Variants in DACH1 observed in about 807,000 individuals in gnomAD.
DACH1 encodes the protein dachshund family transcription factor 1.
DACH1 carries 12 observed loss-of-function variants against 54.2 expected under a neutral mutation model. The ratio of observed to expected loss-of-function variants is 0.22; its 90% CI spans 0.14 to 0.36. The LOEUF is 0.36. DACH1 is among the 10% of genes least tolerant of loss of function. The probability of loss-of-function intolerance (pLI) is 1.00; values close to 1 mark genes in which losing one functional copy is unlikely to be tolerated. For missense variants in DACH1, 805 were observed against 929.8 expected (o/e 0.87, Z 1.75); for synonymous variants, 386 against 366.2 (o/e 1.05, Z -0.62).
At chr13:71,714,175 G>T (rs1234807495) in intron 1 of DACH1, among the ~76,000 whole-genome samples, 2 of 152,008 alleles carry the variant, frequency 1.3e-5, no homozygotes, top group East Asian at 3.9e-4. Flanking sequence ...CATAGAAACA[G>T]TTTCAGTGGT....
rs1237655754 is a variant in DACH1, at chr13:71,653,052, A to T, written c.965-22335T>A. Reference sequence around the variant, plus strand: ...AGTCCAGATTCGGAAGCTTAAACTAAAACACACATTTGGTTAAACTGTATG... The same window carrying T: ...AGTCCAGATTCGGAAGCTTAAACTATAACACACATTTGGTTAAACTGTATG... On this transcript the variant is annotated intron_variant, in intron 2 of 10. Coordinates refer to ENST00000613252, the MANE Select transcript of DACH1 (RefSeq NM_080759.6). 2.0e-5 allele frequency among the ~76,000 whole-genome samples: 3 copies of T among 152,190 alleles called. 1 individual carries two copies.
chr13:71,595,279 C>T (rs1874013086), intron 3 of DACH1, among the ~76,000 whole-genome samples: 2 of 151,956 alleles, frequency 1.3e-5, no homozygotes, highest in Non-Finnish European at 2.9e-5. Context: ...AGAGAAGAAT[C>T]CAGGAGCCCA....
At chr13:71,743,187 A>G (rs1025474097) in intron 1 of DACH1, among the ~76,000 whole-genome samples, 1 of 152,202 alleles carries the variant, frequency 6.6e-6, no homozygotes, top group Non-Finnish European at 1.5e-5. Context: ...TGTCATGTGA[A>G]TGCCAAAAGA....
intron 2 of DACH1, among the ~76,000 whole-genome samples, chr13:71,654,328 T>G (rs1177766083): frequency 1.3e-5 from 2 of 149,910 alleles, no homozygotes; most frequent in Non-Finnish European, 2.9e-5. Flanking sequence ...AGATGGAGGT[T>G]GCAGTGAGCC....
At chr13:71,655,017 A>G (rs1878996414) in intron 2 of DACH1, among the ~76,000 whole-genome samples, 1 of 152,212 alleles carries the variant, frequency 6.6e-6, no homozygotes, top group Admixed American at 6.5e-5. Flanking sequence ...AACCTCTAAC[A>G]TAGTTTAGTC....
At chr13:71,848,511 T>G (rs144113425) in intron 1 of DACH1, among the ~76,000 whole-genome samples, 2,971 of 152,120 alleles carry the variant, frequency 0.02, 44 homozygotes, top group Non-Finnish European at 0.024. Context: ...GTTTTAAAAA[T>G]TCAGTTGGGA....
intron 2 of DACH1, among the ~76,000 whole-genome samples, chr13:71,673,364 T>A (rs1274797973): frequency 1.3e-5 from 2 of 152,098 alleles, no homozygotes; most frequent in African/African-American, 4.8e-5. Flanking sequence ...AGTAAATATA[T>A]TTCTTCTGTA....
At chr13:71,778,092 C>CAGTA (rs1940147631) in intron 1 of DACH1, among the ~76,000 whole-genome samples, 1 of 138,910 alleles carries the variant, frequency 7.2e-6, no homozygotes, top group African/African-American at 2.6e-5. Context: ...ACCCTGTCTA[C>CAGTA]AATAAATAAA....
intron 6 of DACH1, among the ~76,000 whole-genome samples, chr13:71,533,558 A>C (rs1395110914): frequency 6.6e-6 from 1 of 152,036 alleles, no homozygotes; most frequent in South Asian, 2.1e-4. Flanking sequence ...AAATAATCTC[A>C]TCAAATTATT....
intron 1 of DACH1, among the ~76,000 whole-genome samples, chr13:71,860,711 T>G (rs1234180225): frequency 1.3e-5 from 2 of 151,982 alleles, no homozygotes; most frequent in African/African-American, 4.8e-5. Flanking sequence ...TTGTTTTCTA[T>G]GTTGCTCATA....
At chr13:71,807,532 G>A (rs1056708255) in intron 1 of DACH1, among the ~76,000 whole-genome samples, 4 of 151,756 alleles carry the variant, frequency 2.6e-5, no homozygotes, top group South Asian at 2.1e-4. Context: ...AACAGAGTGT[G>A]TGGTTTAAGA....
intron 8 of DACH1, among the ~76,000 whole-genome samples, chr13:71,476,449 T>C (rs1877529974): frequency 6.6e-6 from 1 of 152,180 alleles, no homozygotes; most frequent in Non-Finnish European, 1.5e-5. Flanking sequence ...GAAATGTTTT[T>C]GTTTGGATGA....
At chr13:71,797,509 GT>G (rs1887105861) in intron 1 of DACH1, among the ~76,000 whole-genome samples, 1 of 152,106 alleles carries the variant, frequency 6.6e-6, no homozygotes, top group Non-Finnish European at 1.5e-5. Flanking sequence ...AATAAGTAAT[GT>G]TTTTGCCGAA....
intron 1 of DACH1, among the ~76,000 whole-genome samples, chr13:71,790,001 A>C (rs1886769888): frequency 6.6e-6 from 1 of 152,168 alleles, no homozygotes; most frequent in South Asian, 2.1e-4. Flanking sequence ...ATATTTTTTC[A>C]TACTTACCAG....
intron 3 of DACH1, among the ~76,000 whole-genome samples, chr13:71,577,408 C>T (rs935847844): frequency 6.6e-6 from 1 of 152,142 alleles, no homozygotes; most frequent in Admixed American, 6.6e-5. Flanking sequence ...CAGTTGCTGT[C>T]CTTTCACTAG....
chr13:71,588,804 G>A (rs1481596749), intron 3 of DACH1, among the ~76,000 whole-genome samples: 3 of 151,850 alleles, frequency 2.0e-5, no homozygotes, highest in African/African-American at 7.2e-5. Flanking sequence ...ATAAATAAAT[G>A]GCTATTTTCC....
chr13:71,684,938 C>T (rs529143738), intron 1 of DACH1, among the ~76,000 whole-genome samples: 2 of 152,202 alleles, frequency 1.3e-5, no homozygotes, highest in African/African-American at 4.8e-5. Context: ...GCTAAATATA[C>T]TTCTCAAGCC....
chr13:71,587,880 A>G (rs1366256488), intron 3 of DACH1, among the ~76,000 whole-genome samples: 1 of 152,158 alleles, frequency 6.6e-6, no homozygotes, highest in African/African-American at 2.4e-5. Flanking sequence ...ACTCTCAGAA[A>G]GAAAGGTAGA....
At chr13:71,531,222 T>G (rs1460083025) in intron 6 of DACH1, among the ~76,000 whole-genome samples, 1 of 152,110 alleles carries the variant, frequency 6.6e-6, no homozygotes, top group African/African-American at 2.4e-5. Flanking sequence ...ATGACTAAAT[T>G]TATTTGGATT....
Sources: allele counts gnomAD v4.1 joint callset (sites outside exome capture counted in the v4.1 genomes callset), GRCh38; gene constraint gnomAD v4.1.1; transcripts MANE v1.5; gene names NCBI Gene and HGNC (gene_info 2026-07-23, HGNC 2026-07-21).